The following ACVR1 variants were observed in gnomAD, a reference collection of about 807,000 sequenced individuals.
The protein encoded by ACVR1 is activin A receptor type 1, also known as activin receptor type-1.
In ACVR1, 38 loss-of-function variants were observed where a neutral mutation model predicts 57.1. That is an observed-to-expected ratio of 0.67 (90% CI 0.51 to 0.87). The LOEUF is 0.87. ACVR1 is among the 40% of genes least tolerant of loss of function. The pLI is 0.00. For synonymous variants in ACVR1, 212 were observed against 228.1 expected, an observed-to-expected ratio of 0.93 and a Z score of 0.63; for missense variants, 463 against 638.2, an observed-to-expected ratio of 0.73 and a Z score of 2.96.
intron 1 of ACVR1, among the ~76,000 whole-genome samples, chr2:157,831,212 A>T (rs982034949): frequency 6.6e-6 from 1 of 152,276 alleles, no homozygotes; most frequent in Non-Finnish European, 1.5e-5. Flanking sequence ...ATGTTATTCA[A>T]TTTACTTTAA....
At chr2:157,857,146 C>T (rs528698775) in intron 1 of ACVR1, among the ~76,000 whole-genome samples, 182 of 152,166 alleles carry the variant, frequency 1.2e-3, no homozygotes, top group African/African-American at 4.3e-3. Context: ...TGCAGTGAGC[C>T]ATGATTGTGC....
At chr2:157,780,996 T>C (rs1335370932) in intron 3 of ACVR1, among the ~76,000 whole-genome samples, 2 of 152,094 alleles carry the variant, frequency 1.3e-5, no homozygotes, top group African/African-American at 4.8e-5. Context: ...TCACCTTTAT[T>C]CTATTCCAAA....
At chr2:157,797,095 A>G (rs575671294) in intron 3 of ACVR1, among the ~76,000 whole-genome samples, 9 of 152,336 alleles carry the variant, frequency 5.9e-5, no homozygotes, top group African/African-American at 2.2e-4. Flanking sequence ...TGTCTTCAAA[A>G]TCCAGCTTGT....
At position 157,736,549 on chromosome 2, in the gene ACVR1, G is replaced by A. The variant is rs370651066; in HGVS notation, c.*982C>T. On this transcript the variant is annotated 3_prime_UTR_variant, in exon 11 of 11. Transcript: ENST00000434821. The stretch of plus-strand genomic sequence containing the variant: ...TTTTTCTGGCAGAGTTTAAATGCAC[G>A]TAATGGATAATTCTGAAGAAAATGC... The A allele has an allele frequency of 5.5e-5, 15 of 272,656 alleles. No homozygotes were observed. The highest frequency in any genetic ancestry group is 5.1e-4 in the East Asian group (9 of 17,528). 16.9% of individuals were successfully genotyped at this position (272,656 alleles called of 1,614,324 possible). A position where few individuals can be genotyped will look rare whatever the true frequency, so the allele number is the denominator to read the frequency against.
intron 1 of ACVR1, among the ~76,000 whole-genome samples, chr2:157,857,571 A>AAATAATATC (rs1468774402): frequency 6.6e-6 from 1 of 152,138 alleles, no homozygotes; most frequent in African/African-American, 2.4e-5. Flanking sequence ...CTGTAAAATA[A>AAATAATATC]AATAATATCA....
chr2:157,842,576 G>T (rs886091486), intron 1 of ACVR1, among the ~76,000 whole-genome samples: 1 of 152,110 alleles, frequency 6.6e-6, no homozygotes, highest in African/African-American at 2.4e-5. Context: ...CCAAATCTTA[G>T]AAGATTTCCT....
chr2:157,789,197 A>G (rs768883062), intron 3 of ACVR1, among the ~76,000 whole-genome samples: 10 of 151,282 alleles, frequency 6.6e-5, no homozygotes, highest in Non-Finnish European at 1.0e-4. Context: ...GAAAGGCTCC[A>G]GGTGCCTACA....
chr2:157,736,792 A>G lies in ACVR1; in HGVS notation c.*739T>C, dbSNP rs892994646. 3 of 345,422 alleles carry G rather than the reference A, an allele frequency of 8.7e-6. No homozygotes were observed. Among genetic ancestry groups the G allele is most frequent in the African/African-American group, 6.3e-5 (3 of 47,704 alleles). The allele number at this position is 345,422 out of a possible 1,614,324, so 21.4% of individuals were successfully genotyped here. A position where few individuals can be genotyped will look rare whatever the true frequency, so the allele number is the denominator to read the frequency against. On this transcript the variant is annotated 3_prime_UTR_variant, in exon 11 of 11. Coordinates refer to ENST00000434821, the MANE Select transcript of ACVR1 (RefSeq NM_001111067.4). ...CATTTTAGAGTATAGTGTTAAAAAC[A>G]TTTCTGTAATAAAATCATAAGACCA... is the stretch of plus-strand genomic sequence containing the variant.
intron 1 of ACVR1, among the ~76,000 whole-genome samples, chr2:157,828,183 C>G (rs550301789): frequency 6.6e-6 from 1 of 152,178 alleles, no homozygotes; most frequent in Admixed American, 6.5e-5. Context: ...CGCTGGGGCT[C>G]ACGCCTGTAT....
chr2:157,819,003 G>C (rs1359302094), intron 1 of ACVR1, among the ~76,000 whole-genome samples: 1 of 140,592 alleles, frequency 7.1e-6, no homozygotes, highest in Admixed American at 7.7e-5. Context: ...GCGTGAACCC[G>C]GGAGGTGGAG....
In ACVR1 at chr2:157,778,111, C is replaced by T. The variant is rs769252170; in HGVS notation, c.543+20G>A. 4.3e-5 allele frequency: 69 copies of T among 1,612,542 alleles called. No individual in the cohort carries two copies. The South Asian group carries it at 4.7e-4, about 11-fold the overall frequency. On this transcript the variant is annotated intron_variant, in intron 5 of 10. Coordinates refer to ENST00000434821, the MANE Select transcript of ACVR1 (RefSeq NM_001111067.4). ...GACACCTTCCTTATGCTTGGGATTT[C>T]CTGTGGGGTCATGACTTACTGCTAA...
chr2:157,786,842 A>C (rs1686730869), intron 3 of ACVR1, among the ~76,000 whole-genome samples: 1 of 152,222 alleles, frequency 6.6e-6, no homozygotes. Context: ...CCTAGTAGAG[A>C]AAAAGCTGCC....
At chr2:157,867,711 T>C (rs532802648) in intron 1 of ACVR1, among the ~76,000 whole-genome samples, 1 of 151,768 alleles carries the variant, frequency 6.6e-6, no homozygotes, top group South Asian at 2.1e-4. Context: ...AAATACAGTA[T>C]CAAACAGGAC....
chr2:157,828,570 T>C (rs915232183), intron 1 of ACVR1, among the ~76,000 whole-genome samples: 2 of 151,780 alleles, frequency 1.3e-5, no homozygotes, highest in Middle Eastern at 3.2e-3. Context: ...GCTGAGATCA[T>C]GTCACTGCGC....
intron 1 of ACVR1, among the ~76,000 whole-genome samples, chr2:157,872,358 C>T (rs561756469): frequency 3.0e-4 from 46 of 152,296 alleles, no homozygotes; most frequent in African/African-American, 1.1e-3. Flanking sequence ...CACCTTACTA[C>T]TGGGTAAAAA....
intron 1 of ACVR1, among the ~76,000 whole-genome samples, chr2:157,858,026 G>A (rs982077738): frequency 2.0e-5 from 3 of 150,860 alleles, no homozygotes; most frequent in Admixed American, 6.6e-5. Flanking sequence ...AGGCTTTTTC[G>A]TCAGTAAAAA....
chr2:157,829,564 A>G lies in ACVR1; in HGVS notation c.-182-11005T>C, dbSNP rs552063956. On this transcript the variant is annotated intron_variant, in intron 1 of 10. Coordinates refer to ENST00000434821, the MANE Select transcript of ACVR1 (RefSeq NM_001111067.4). ...TGATCTGGCCCCAGACATCTCCAAC[A>G]TCATCGAGTTATCATCTCATAGGTA... is the stretch of plus-strand genomic sequence containing the variant. Among the ~76,000 whole-genome samples the G allele has an allele frequency of 5.3e-5, 8 of 152,258 alleles. No individual in the cohort carries two copies. The South Asian group carries it at 1.7e-3, about 32-fold the overall frequency.
At chr2:157,803,613 A>G (rs1251082212) in intron 2 of ACVR1, among the ~76,000 whole-genome samples, 1 of 152,220 alleles carries the variant, frequency 6.6e-6, no homozygotes, top group African/African-American at 2.4e-5. Flanking sequence ...TTTTAAAAGT[A>G]AAATTTCAAC....
chr2:157,853,668 G>T (rs951055968), intron 1 of ACVR1, among the ~76,000 whole-genome samples: 1 of 152,138 alleles, frequency 6.6e-6, no homozygotes, highest in Admixed American at 6.5e-5. Context: ...TTCAGGATAA[G>T]ACCTGAATTG....
Sources: gnomAD v4.1 joint callset for allele counts (sites outside exome capture counted in the v4.1 genomes callset) on GRCh38, gnomAD v4.1.1 for gene constraint, MANE v1.5 for transcripts, NCBI Gene and HGNC (gene_info 2026-07-23, HGNC 2026-07-21) for gene names.